The following PLXDC1 variants were observed in gnomAD, a reference collection of about 807,000 sequenced individuals.
PLXDC1 encodes plexin domain-containing protein 1.
PLXDC1 carries 39 observed loss-of-function variants against 61.3 expected under a neutral mutation model. The ratio of observed to expected loss-of-function variants is 0.64; its 90% confidence interval spans 0.49 to 0.83. The LOEUF is 0.83. Ranked by LOEUF, PLXDC1 falls within the 40% of genes least tolerant of loss-of-function variation. The pLI, the probability that PLXDC1 is intolerant of heterozygous loss-of-function variation, is 0.00. For synonymous variants in PLXDC1, 212 were observed against 254.5 expected (o/e 0.83, Z 1.59); for missense variants, 596 against 666.5 (o/e 0.89, Z 1.17).
chr17:39,079,034 G>A, intron 10 of PLXDC1, 70 bp downstream of exon 10: 1 of 1,204,822 alleles, frequency 8.3e-7, no homozygotes, highest in Non-Finnish European at 1.2e-6. Flanking sequence ...CCAGGGGCAG[G>A]CCCTACTGGC....
intron 7 of PLXDC1, among the ~76,000 whole-genome samples, chr17:39,094,817 A>T (rs1910088824): frequency 6.6e-6 from 1 of 152,154 alleles, no homozygotes; most frequent in Admixed American, 6.5e-5. Flanking sequence ...TGCCATTCTC[A>T]AAAGGACAAC....
rs536256362 is a variant in PLXDC1, at chr17:39,095,246, T to TG, written c.812-7545dup. Among the ~76,000 whole-genome samples the TG allele has an allele frequency of 8.5e-3, 1,136 of 133,528 alleles. 19 individuals are homozygous for TG. Among genetic ancestry groups the TG allele is most frequent in the African/African-American group, 0.029 (1,036 of 36,036 alleles). 87.6% of individuals were successfully genotyped at this position (133,528 alleles called of 152,430 possible). A position where few individuals can be genotyped will look rare whatever the true frequency, so the allele number is the denominator to read the frequency against. ...GTGGTGGCAGAAAGGGGGATGAGGG[T>TG]GGGGGGTGGAACTATATCTCTAATT... On this transcript the variant is annotated intron_variant, in intron 7 of 13. Coordinates refer to ENST00000315392, the MANE Select transcript of PLXDC1 (RefSeq NM_020405.5).
intron 7 of PLXDC1, chr17:39,096,727 T>C: frequency 8.5e-6 from 3 of 352,702 alleles, no homozygotes; most frequent in South Asian, 6.5e-5. Context: ...CACTAACTGA[T>C]CCCACTAATT....
Position 39,104,477 on chromosome 17 carries a change from A to T in PLXDC1, c.811+1377T>A, listed in dbSNP as rs191708104. On this transcript the variant is annotated intron_variant, in intron 7 of 13. Coordinates refer to ENST00000315392, the MANE Select transcript of PLXDC1 (RefSeq NM_020405.5). ...GCCCCATTGTTCCCCAACCCTTAAC[A>T]TTTCTGTTAAAGACAGAGGTTTGGG... Among the ~76,000 whole-genome samples, 188 of 152,240 alleles carry T rather than the reference A, an allele frequency of 1.2e-3. 2 individuals are homozygous for T. The highest frequency in any genetic ancestry group is 2.4e-4 in the Non-Finnish European group (16 of 68,014).
intron 2 of PLXDC1, among the ~76,000 whole-genome samples, chr17:39,122,299 G>A (rs936837786): frequency 6.7e-6 from 1 of 149,450 alleles, no homozygotes. Flanking sequence ...CAGCTACTCA[G>A]GAGGCTGAGG....
chr17:39,141,191 A>G (rs1178721667), intron 1 of PLXDC1, among the ~76,000 whole-genome samples: 1 of 152,116 alleles, frequency 6.6e-6, no homozygotes, highest in Non-Finnish European at 1.5e-5. Context: ...CACCATGCCC[A>G]GCTAATCTTT....
intron 5 of PLXDC1, 133 bp from the exon 6 acceptor site, chr17:39,107,658 G>T: frequency 1.4e-6 from 1 of 737,936 alleles, no homozygotes; most frequent in South Asian, 1.5e-5. Flanking sequence ...CAAAGGTAAG[G>T]AGGCAGGAGC....
Position 39,139,769 on chromosome 17 carries a change from C to T in PLXDC1, c.140G>A (p.Arg47Lys), listed in dbSNP as rs375307858. The T allele has an allele frequency of 1.2e-6, 2 of 1,613,902 alleles. No homozygotes were observed. Among genetic ancestry groups the T allele is most frequent in the Admixed American group, 1.7e-5 (1 of 60,012 alleles). Residue 47 changes from arginine (R) to lysine (K), a missense_variant, in exon 2 of 14, where the codon AGA (arginine) becomes AAA (lysine). Transcript: ENST00000315392. ...CACATGCCCAGGGCTCTCTCGGGCTCTCCGGTTCCAGCCCCGCACGGTCCC... is the reference window on the plus strand; with the variant it reads ...CACATGCCCAGGGCTCTCTCGGGCTTTCCGGTTCCAGCCCCGCACGGTCCC... ...AKGTVRGWNRRARESPGHVSE... is the reference protein window; with the variant it reads ...AKGTVRGWNRKARESPGHVSE...
chr17:39,087,032 C>G (rs777665079), intron 8 of PLXDC1, among the ~76,000 whole-genome samples: 1 of 152,288 alleles, frequency 6.6e-6, no homozygotes, highest in African/African-American at 2.4e-5. Context: ...TCTCAGCTGT[C>G]CCAGCCCCAT....
At chr17:39,109,997 G>A (rs1462921901) in intron 2 of PLXDC1, among the ~76,000 whole-genome samples, 1 of 152,148 alleles carries the variant, frequency 6.6e-6, no homozygotes, top group African/African-American at 2.4e-5. Flanking sequence ...ACAAAAATTA[G>A]TGTGGCCTGG....
At chr17:39,127,470 A>G (rs935871647) in intron 2 of PLXDC1, among the ~76,000 whole-genome samples, 5 of 152,118 alleles carry the variant, frequency 3.3e-5, no homozygotes, top group Non-Finnish European at 5.9e-5. Context: ...CTTTGCAATA[A>G]CACTTCAGAC....
rs2045370638 is a variant in PLXDC1, at chr17:39,151,268, C to T, written c.76+94G>A. On this transcript the variant is annotated intron_variant, in intron 1 of 13. Coordinates refer to ENST00000315392, the MANE Select transcript of PLXDC1 (RefSeq NM_020405.5). This position sits in a 1 kb window ranked among gnomAD's most constrained non-coding sequence, Gnocchi z 5.2. Reference sequence around the variant, plus strand: ...CTGCGGACAATGCCCCCCTCGCGGACATCGCCAGGCCGTCCACACCTGCCC... The same window carrying T: ...CTGCGGACAATGCCCCCCTCGCGGATATCGCCAGGCCGTCCACACCTGCCC... 3 of 972,310 alleles carry T rather than the reference C, an allele frequency of 3.1e-6. No homozygotes were observed. The highest frequency in any genetic ancestry group is 3.4e-5 in the African/African-American group (2 of 59,102). The allele number at this position is 972,310 out of a possible 1,614,324, so 60.2% of individuals were successfully genotyped here.
intron 10 of PLXDC1, among the ~76,000 whole-genome samples, chr17:39,078,653 A>C (rs1909435066): frequency 6.6e-6 from 1 of 152,164 alleles, no homozygotes; most frequent in East Asian, 1.9e-4. Flanking sequence ...TTGCAGTGAG[A>C]AGGAACCTGG....
intron 7 of PLXDC1, among the ~76,000 whole-genome samples, chr17:39,094,751 G>A (rs1453485491): frequency 1.3e-5 from 2 of 152,088 alleles, no homozygotes; most frequent in Non-Finnish European, 2.9e-5. Flanking sequence ...AACTTATAAC[G>A]TCAGCCCACA....
At chr17:39,099,386 C>T (rs568183922) in intron 7 of PLXDC1, among the ~76,000 whole-genome samples, 2 of 151,218 alleles carry the variant, frequency 1.3e-5, no homozygotes, top group East Asian at 3.9e-4. Context: ...TGAGACTCTG[C>T]CTGGAAGAAG....
chr17:39,120,220 C>T (rs1016871613), intron 2 of PLXDC1, among the ~76,000 whole-genome samples: 13 of 152,156 alleles, frequency 8.5e-5, no homozygotes, highest in African/African-American at 3.1e-4. Context: ...GGCACCACCT[C>T]GGCTCACGGC....
intron 2 of PLXDC1, among the ~76,000 whole-genome samples, chr17:39,132,566 A>T (rs954092896): frequency 7.9e-5 from 12 of 152,194 alleles, no homozygotes; most frequent in Non-Finnish European, 7.3e-5. Flanking sequence ...TCACCCTGGG[A>T]CTGGGAGGGC....
chr17:39,076,095 A>G (rs866843592), intron 11 of PLXDC1, among the ~76,000 whole-genome samples: 27 of 110,872 alleles, frequency 2.4e-4, no homozygotes, highest in African/African-American at 4.8e-4. Flanking sequence ...AAAAAAGAAA[A>G]AAAAAAAAAG....
chr17:39,121,649 T>G (rs531169053), intron 2 of PLXDC1, among the ~76,000 whole-genome samples: 1 of 152,306 alleles, frequency 6.6e-6, no homozygotes, highest in South Asian at 2.1e-4. Flanking sequence ...GACTAATAAC[T>G]GCCTCCCAAT....
Sources: allele counts gnomAD v4.1 joint callset (sites outside exome capture counted in the v4.1 genomes callset), GRCh38; gene constraint gnomAD v4.1.1; non-coding constraint Gnocchi (gnomAD v3.1); transcripts MANE v1.5; gene names NCBI Gene and HGNC (gene_info 2026-07-23, HGNC 2026-07-21).